The following LY86 variants were observed in gnomAD, a reference collection of about 807,000 sequenced individuals.
LY86 encodes the protein MD-1, RP105-associated.
Under a neutral mutation model 17.3 loss-of-function variants are expected in LY86, and 20 were observed. That is an observed-to-expected ratio of 1.15 (90% confidence interval 0.81 to 1.68). The LOEUF is 1.68. LY86 is among the 40% of genes most tolerant of loss of function. The pLI, the probability that LY86 is intolerant of heterozygous loss-of-function variation, is 0.00. For missense variants in LY86, 200 were observed against 191.9 expected, an observed-to-expected ratio of 1.04 and a Z score of -0.25; for synonymous variants, 74 against 70.6, an observed-to-expected ratio of 1.05 and a Z score of -0.24.
intron 1 of LY86, among the ~76,000 whole-genome samples, chr6:6,601,424 T>C (rs370924204): frequency 6.6e-5 from 10 of 152,106 alleles, no homozygotes; most frequent in East Asian, 5.8e-4. Flanking sequence ...TAGAAAGCAG[T>C]TGCAATATAC....
At chr6:6,605,061 A>G (rs1468655741) in intron 1 of LY86, among the ~76,000 whole-genome samples, 6 of 150,734 alleles carry the variant, frequency 4.0e-5, no homozygotes, top group African/African-American at 1.5e-4. Context: ...TTTGCCACCG[A>G]GACTCTCACT....
chr6:6,648,453 C>T (rs1762138562), intron 3 of LY86, among the ~76,000 whole-genome samples: 1 of 152,168 alleles, frequency 6.6e-6, no homozygotes, highest in African/African-American at 2.4e-5. Flanking sequence ...CTCTATCCTC[C>T]TAATTTCCTA....
At chr6:6,605,412 G>C (rs1761081325) in intron 1 of LY86, among the ~76,000 whole-genome samples, 1 of 152,194 alleles carries the variant, frequency 6.6e-6, no homozygotes, top group Non-Finnish European at 1.5e-5. Context: ...ACATCGCAAT[G>C]AACAGACCTC....
intron 3 of LY86, among the ~76,000 whole-genome samples, chr6:6,639,691 C>A (rs1207261410): frequency 6.6e-6 from 1 of 152,126 alleles, no homozygotes; most frequent in Non-Finnish European, 1.5e-5. Context: ...TACATTGGAC[C>A]CCCCTGGGCC....
intron 1 of LY86, among the ~76,000 whole-genome samples, chr6:6,607,814 C>T (rs1761229404): frequency 6.6e-6 from 1 of 151,860 alleles, no homozygotes; most frequent in African/African-American, 2.4e-5. Context: ...GCAGGAGAAT[C>T]GCTTGAACCC....
intron 1 of LY86, 100 bp downstream of exon 1, chr6:6,588,970 G>C (rs1760442549): frequency 7.0e-7 from 1 of 1,419,646 alleles, no homozygotes; most frequent in Admixed American, 2.2e-5. Context: ...GAGGGGAGAG[G>C]GGACCAGCAG....
chr6:6,605,967 C>A (rs538829180), intron 1 of LY86, among the ~76,000 whole-genome samples: 1 of 151,884 alleles, frequency 6.6e-6, no homozygotes, highest in Admixed American at 6.5e-5. Context: ...AAGCGTGGAC[C>A]CAAAGAGCGA....
At chr6:6,599,980 GCA>G (rs141598257) in intron 1 of LY86, among the ~76,000 whole-genome samples, 12,356 of 152,088 alleles carry the variant, frequency 0.081, 1,387 homozygotes, top group African/African-American at 0.25. Flanking sequence ...CATCCCCAAA[GCA>G]CAAAGGATCC....
intron 1 of LY86, among the ~76,000 whole-genome samples, chr6:6,595,380 G>A (rs1360353478): frequency 1.0e-5 from 1 of 96,530 alleles, no homozygotes; most frequent in Non-Finnish European, 2.7e-5. Flanking sequence ...AAGAAGAGAG[G>A]GGAGAAGAGA....
chr6:6,611,801 T>C (rs1007471895), intron 1 of LY86, among the ~76,000 whole-genome samples: 3 of 74,406 alleles, frequency 4.0e-5, no homozygotes, highest in South Asian at 5.2e-4. Context: ...CTCAAAAAGC[T>C]TTAACAATCG....
chr6:6,604,363 G>GA (rs544435139), intron 1 of LY86, among the ~76,000 whole-genome samples: 25 of 151,644 alleles, frequency 1.6e-4, no homozygotes, highest in Admixed American at 7.9e-4. Context: ...CAAAACATGA[G>GA]AAAAAAATAG....
intron 1 of LY86, among the ~76,000 whole-genome samples, chr6:6,602,481 A>G (rs1372675396): frequency 6.6e-6 from 1 of 152,246 alleles, no homozygotes; most frequent in Non-Finnish European, 1.5e-5. Context: ...CTCAATGTGA[A>G]TTACAGGAAT....
intron 1 of LY86, among the ~76,000 whole-genome samples, chr6:6,622,447 G>A (rs981918235): frequency 2.6e-5 from 4 of 152,154 alleles, no homozygotes; most frequent in African/African-American, 9.7e-5. Flanking sequence ...TGAGTGCCAA[G>A]GATGTAGCAG....
At chr6:6,634,656 T>G (rs529063927) in intron 3 of LY86, among the ~76,000 whole-genome samples, 1 of 152,252 alleles carries the variant, frequency 6.6e-6, no homozygotes, top group Admixed American at 6.5e-5. Context: ...CACTAGGACC[T>G]GTGATCCTCC....
intron 3 of LY86, 140 bp from the exon 4 acceptor site, chr6:6,649,485 A>ACCGT: frequency 2.3e-6 from 1 of 429,506 alleles, no homozygotes. Flanking sequence ...GTAGATCAGG[A>ACCGT]AATGAAAACA....
chr6:6,618,018 T>A (rs1761593811), intron 1 of LY86, among the ~76,000 whole-genome samples: 1 of 152,186 alleles, frequency 6.6e-6, no homozygotes. Flanking sequence ...TTTTTGTGTT[T>A]TTAATAGAGA....
chr6:6,635,426 C>G (rs1051690180), intron 3 of LY86, among the ~76,000 whole-genome samples: 1 of 151,910 alleles, frequency 6.6e-6, no homozygotes, highest in African/African-American at 2.4e-5. Context: ...TTCCTCTCTG[C>G]CTTTCTCTCT....
At chr6:6,612,448 G>C (rs144794754) in intron 1 of LY86, among the ~76,000 whole-genome samples, 1 of 152,154 alleles carries the variant, frequency 6.6e-6, no homozygotes, top group South Asian at 2.1e-4. Context: ...CCTTCATGGG[G>C]AGTGTTACAC....
chr6:6,590,851 T>C (rs938612548), intron 1 of LY86, among the ~76,000 whole-genome samples: 3 of 152,174 alleles, frequency 2.0e-5, no homozygotes, highest in Middle Eastern at 3.4e-3. Context: ...CCCAGAGAGG[T>C]CCAGATGGTC....
Sources: gnomAD v4.1 joint callset for allele counts (sites outside exome capture counted in the v4.1 genomes callset) on GRCh38, gnomAD v4.1.1 for gene constraint, MANE v1.5 for transcripts, NCBI Gene and HGNC (gene_info 2026-07-23, HGNC 2026-07-21) for gene names.